The following TTC28 variants were observed in gnomAD, a reference collection of about 807,000 sequenced individuals.
TTC28 encodes the protein tetratricopeptide repeat domain 28, also known as tetratricopeptide repeat protein 28.
In TTC28, 61 loss-of-function variants were observed where a neutral mutation model predicts 198.0. The ratio of observed to expected loss-of-function variants is 0.31; its 90% CI spans 0.25 to 0.38. The LOEUF is 0.38. Ranked by LOEUF, TTC28 falls within the 10% of genes least tolerant of loss-of-function variation. The pLI, the probability that TTC28 is intolerant of heterozygous loss-of-function variation, is 1.00. For missense variants in TTC28, 2,678 were observed against 3,164.0 expected (o/e 0.85, Z 3.69); for synonymous variants, 1,171 against 1,297.8 (o/e 0.90, Z 2.10).
intron 2 of TTC28, among the ~76,000 whole-genome samples, chr22:28,443,842 T>C (rs997836485): frequency 6.6e-6 from 1 of 152,050 alleles, no homozygotes; most frequent in African/African-American, 2.4e-5. Flanking sequence ...GGAAATCATT[T>C]CAAAAGACAT....
chr22:28,258,084 T>C (rs1044172674), intron 5 of TTC28, among the ~76,000 whole-genome samples: 36 of 152,110 alleles, frequency 2.4e-4, no homozygotes, highest in African/African-American at 8.7e-4. Context: ...TATAATTTTA[T>C]AAACATACTA....
chr22:28,644,260 G>A (rs919977910), intron 1 of TTC28, among the ~76,000 whole-genome samples: 4 of 151,956 alleles, frequency 2.6e-5, no homozygotes, highest in East Asian at 3.9e-4. Flanking sequence ...TTAGCCGGGC[G>A]TGGTGGCAGG....
intron 2 of TTC28, among the ~76,000 whole-genome samples, chr22:28,357,315 A>ATTTTTTTTTTT (rs11415868): frequency 2.6e-5 from 3 of 113,486 alleles, no homozygotes; most frequent in African/African-American, 1.0e-4. Context: ...CAAATTTCTT[A>ATTTTTTTTTTT]TTTTTTTTTT....
chr22:28,154,279 T>TA (rs556969103), intron 6 of TTC28, among the ~76,000 whole-genome samples: 14 of 152,074 alleles, frequency 9.2e-5, no homozygotes, highest in Admixed American at 9.2e-4. Context: ...GAATCATTGT[T>TA]ATGCAACTAC....
intron 2 of TTC28, among the ~76,000 whole-genome samples, chr22:28,449,991 T>C (rs1183696871): frequency 6.6e-6 from 1 of 152,176 alleles, no homozygotes; most frequent in Non-Finnish European, 1.5e-5. Context: ...GAAAAAAATG[T>C]TGGATACTGA....
chr22:28,110,971 G>T (rs1334970982), intron 6 of TTC28, among the ~76,000 whole-genome samples: 1 of 151,044 alleles, frequency 6.6e-6, no homozygotes, highest in East Asian at 1.9e-4. Context: ...TATTGACATA[G>T]GAAGAAATTT....
At chr22:28,143,486 G>A (rs746557872) in intron 6 of TTC28, among the ~76,000 whole-genome samples, 1 of 152,204 alleles carries the variant, frequency 6.6e-6, no homozygotes, top group Non-Finnish European at 1.5e-5. Flanking sequence ...GAGCACTGGT[G>A]TATCTATCTC....
chr22:28,032,185 T>A lies in TTC28; in HGVS notation c.3933-1819A>T, dbSNP rs867568131. Among the ~76,000 whole-genome samples, 3 of 73,232 alleles carry A rather than the reference T, an allele frequency of 4.1e-5. No individual in the cohort carries two copies. The Admixed American group carries it at 5.6e-4, about 14-fold the overall frequency. The allele number at this position is 73,232 out of a possible 152,430, so 48.0% of individuals were successfully genotyped here. A position where few individuals can be genotyped will look rare whatever the true frequency, so the allele number is the denominator to read the frequency against. On this transcript the variant is annotated intron_variant, in intron 12 of 22. Transcript: ENST00000397906. ...TAGTGTGTGTATATATATATATATA[T>A]ATAAAATATATATATATAAAATATA...
Position 27,982,963 on chromosome 22 carries a change from G to A in TTC28, c.6704C>T (p.Pro2235Leu). Residue 2235 changes from proline (P) to leucine (L), a missense_variant, in exon 23 of 23, where the codon CCC becomes CTC. Transcript: ENST00000397906. The surrounding 1 kb of genome is among the most constrained non-coding windows in gnomAD (Gnocchi z 5.2). ...GGGCAGGGAGGAGCTCCTGGCTGGGGGCTTTGGTTTAACAGTGACTGGTGA... is the reference window on the plus strand; with the variant it reads ...GGGCAGGGAGGAGCTCCTGGCTGGGAGCTTTGGTTTAACAGTGACTGGTGA... ...QPSPVTVKPK[P>L]PARSSSLPKV... is the part of the protein sequence containing the mutation. The A allele has an allele frequency of 6.4e-7, 1 of 1,551,666 alleles. No individual in the cohort carries two copies. The highest frequency in any genetic ancestry group is 8.7e-7 in the Non-Finnish European group (1 of 1,146,988).
At chr22:28,531,822 C>T (rs1179067465) in intron 2 of TTC28, among the ~76,000 whole-genome samples, 18 of 152,070 alleles carry the variant, frequency 1.2e-4, no homozygotes, top group African/African-American at 2.4e-4. Context: ...GGGTACATAA[C>T]GAAATGAAGG....
At chr22:28,437,255 G>C (rs1474242457) in intron 2 of TTC28, among the ~76,000 whole-genome samples, 1 of 151,998 alleles carries the variant, frequency 6.6e-6, no homozygotes, top group African/African-American at 2.4e-5. Context: ...GCTAATTTTT[G>C]TATTTTTAGT....
intron 5 of TTC28, among the ~76,000 whole-genome samples, chr22:28,221,227 G>A (rs1027609121): frequency 6.6e-6 from 1 of 152,116 alleles, no homozygotes; most frequent in Non-Finnish European, 1.5e-5. Context: ...ACTGGGAATT[G>A]GAAGGCTAAT....
intron 12 of TTC28, among the ~76,000 whole-genome samples, chr22:28,047,971 G>A (rs552420716): frequency 5.9e-5 from 9 of 152,062 alleles, no homozygotes; most frequent in Non-Finnish European, 1.3e-4. Flanking sequence ...TCAAAGTTGT[G>A]GAGAGAACTG....
intron 5 of TTC28, among the ~76,000 whole-genome samples, chr22:28,167,995 G>A (rs973111309): frequency 1.3e-5 from 2 of 152,100 alleles, no homozygotes; most frequent in African/African-American, 4.8e-5. Flanking sequence ...AAATCAATGT[G>A]CAAAAATCAC....
At chr22:28,225,652 T>C (rs561052733) in intron 5 of TTC28, among the ~76,000 whole-genome samples, 1 of 152,278 alleles carries the variant, frequency 6.6e-6, no homozygotes, top group East Asian at 1.9e-4. Flanking sequence ...AAATAACATA[T>C]ATTGAAGTGT....
At chr22:28,001,803 G>A in intron 14 of TTC28, 1 of 522,990 alleles carries the variant, frequency 1.9e-6, no homozygotes, top group Non-Finnish European at 3.4e-6. Flanking sequence ...GAGAAGGTTA[G>A]AGGACAGTTT....
At chr22:28,620,962 T>C (rs1457965721) in intron 2 of TTC28, among the ~76,000 whole-genome samples, 3 of 152,344 alleles carry the variant, frequency 2.0e-5, no homozygotes, top group East Asian at 3.9e-4. Context: ...CTGGCTGCTT[T>C]TTGTTTCTTA....
At chr22:28,173,458 T>C (rs1367251935) in intron 5 of TTC28, among the ~76,000 whole-genome samples, 1 of 152,264 alleles carries the variant, frequency 6.6e-6, no homozygotes, top group African/African-American at 2.4e-5. Context: ...GGAACATCTG[T>C]ATTTGAATAC....
intron 14 of TTC28, 114 bp downstream of exon 14, chr22:28,014,134 C>T (rs1938261207): frequency 6.1e-6 from 8 of 1,306,988 alleles, no homozygotes; most frequent in Non-Finnish European, 6.1e-6. Flanking sequence ...TTCTGGAAAG[C>T]CTCCGGTTGT....
Sources: gnomAD v4.1 joint callset for allele counts (sites outside exome capture counted in the v4.1 genomes callset) on GRCh38, gnomAD v4.1.1 for gene constraint, Gnocchi (gnomAD v3.1) non-coding constraint, MANE v1.5 for transcripts, NCBI Gene and HGNC (gene_info 2026-07-23, HGNC 2026-07-21) for gene names.